The following RERE variants were observed in gnomAD, a reference collection of about 807,000 sequenced individuals.
RERE encodes arginine-glutamic acid dipeptide repeats.
In RERE, 40 loss-of-function variants were observed where a neutral mutation model predicts 146.1. The observed-to-expected ratio is 0.27, with a 90% CI of 0.21 to 0.36. RERE has a LOEUF of 0.36. RERE is among the 10% of genes least tolerant of loss of function. The probability of loss-of-function intolerance (pLI) is 1.00; values close to 1 mark genes in which losing one functional copy is unlikely to be tolerated. For missense variants in RERE, 1,933 were observed against 2,138.7 expected (o/e 0.90, Z 1.90); for synonymous variants, 1,003 against 866.0 (o/e 1.16, Z -2.78).
chr1:8,689,534 T>C (rs1209247569), intron 1 of RERE, among the ~76,000 whole-genome samples: 1 of 152,206 alleles, frequency 6.6e-6, no homozygotes, highest in African/African-American at 2.4e-5. Flanking sequence ...AGAAATTTTA[T>C]ACTTCAAATC....
intron 1 of RERE, among the ~76,000 whole-genome samples, chr1:8,779,308 A>C (rs1024979434): frequency 1.3e-4 from 20 of 149,100 alleles, no homozygotes; most frequent in African/African-American, 4.9e-4. Flanking sequence ...TGGGCAGATC[A>C]CGAGGTCAGG....
chr1:8,675,356 T>G (rs1350009849), intron 1 of RERE, among the ~76,000 whole-genome samples: 2 of 151,144 alleles, frequency 1.3e-5, no homozygotes, highest in Non-Finnish European at 2.9e-5. Flanking sequence ...TATCAGAGAG[T>G]ATCAGAATTG....
chr1:8,641,249 A>G (rs1486540052), intron 2 of RERE, among the ~76,000 whole-genome samples: 1 of 152,244 alleles, frequency 6.6e-6, no homozygotes, highest in Non-Finnish European at 1.5e-5. Context: ...TCAAATGAAA[A>G]TAGTTTCCCT....
rs754539399 is a variant in RERE at position 8,358,686 on chromosome 1, G to A, written c.3849C>T (p.Pro1283=). The change falls in exon 20 of 23, where the codon CCC becomes CCT. Residue 1283 remains proline (P), a synonymous_variant. Coordinates refer to ENST00000400908, the MANE Select transcript of RERE (RefSeq NM_001042681.2). ...GGCCAGGCATGTGGTAGGCCAGCAG[G>A]GGGTCCGTGGGGTTAAGGGGCATGT... ...PFYMPLNPTD[P]LLAYHMPGLY... is the part of the protein sequence containing the mutation. 3.2e-6 allele frequency: 5 copies of A among 1,586,968 alleles called. No individual in the cohort carries two copies. Among genetic ancestry groups the A allele is most frequent in the South Asian group, 1.2e-5 (1 of 86,862 alleles).
chr1:8,483,585 T>C (rs769928537), intron 10 of RERE, among the ~76,000 whole-genome samples: 9 of 152,238 alleles, frequency 5.9e-5, no homozygotes, highest in Non-Finnish European at 1.3e-4. Flanking sequence ...AAGTGTGATA[T>C]GAACTTGAAC....
intron 1 of RERE, among the ~76,000 whole-genome samples, chr1:8,768,129 T>C (rs1356760481): frequency 1.3e-5 from 2 of 152,242 alleles, no homozygotes. Context: ...AGCTGAATGA[T>C]GTCTTTTTCT....
chr1:8,459,718 C>T (rs1052133737), intron 11 of RERE, among the ~76,000 whole-genome samples: 3 of 152,068 alleles, frequency 2.0e-5, no homozygotes, highest in Admixed American at 6.6e-5. Context: ...CACTGTGAGA[C>T]GACGTGTTAG....
chr1:8,400,222 A>ATGTGTGTGTGTGTGTGTG (rs1553161719), intron 12 of RERE, among the ~76,000 whole-genome samples: 23 of 140,154 alleles, frequency 1.6e-4, no homozygotes, highest in South Asian at 1.2e-3. Context: ...CCTGTGTCAT[A>ATGTGTGTGTGTGTGTGTG]TGTGTGTGTG....
intron 4 of RERE, among the ~76,000 whole-genome samples, chr1:8,566,682 T>C (rs1646156953): frequency 2.0e-5 from 3 of 152,172 alleles, no homozygotes; most frequent in Admixed American, 6.5e-5. Flanking sequence ...AGAATCCTGT[T>C]GGTGGTAACA....
At chr1:8,711,931 T>C (rs1030833595) in intron 1 of RERE, among the ~76,000 whole-genome samples, 8 of 152,198 alleles carry the variant, frequency 5.3e-5, no homozygotes, top group African/African-American at 1.9e-4. Context: ...TGAAAATACT[T>C]TAAAATAAAA....
intron 1 of RERE, among the ~76,000 whole-genome samples, chr1:8,740,201 G>A (rs939741301): frequency 6.6e-6 from 1 of 152,214 alleles, no homozygotes; most frequent in Non-Finnish European, 1.5e-5. Context: ...GAACATGATA[G>A]AGTGTAGTTA....
chr1:8,776,446 C>G (rs1641065659), intron 1 of RERE, among the ~76,000 whole-genome samples: 1 of 152,108 alleles, frequency 6.6e-6, no homozygotes, highest in Non-Finnish European at 1.5e-5. Context: ...TACAGGTGCA[C>G]GCCATCATGA....
chr1:8,751,079 G>A, intron 1 of RERE: 5 of 519,152 alleles, frequency 9.6e-6, no homozygotes, highest in South Asian at 4.3e-5. Context: ...TCCATGAGGC[G>A]GAATGAAGAA....
intron 1 of RERE, among the ~76,000 whole-genome samples, chr1:8,814,159 G>A (rs1641866744): frequency 6.6e-6 from 1 of 152,100 alleles, no homozygotes; most frequent in South Asian, 2.1e-4. Context: ...CACAACTTTA[G>A]AGATTACTCT....
chr1:8,536,566 G>A (rs1457838256), intron 7 of RERE, among the ~76,000 whole-genome samples: 1 of 152,142 alleles, frequency 6.6e-6, no homozygotes, highest in Non-Finnish European at 1.5e-5. Flanking sequence ...CCTCCTAACT[G>A]GCTTTATTTA....
chr1:8,754,153 T>C (rs1557522224), intron 1 of RERE, among the ~76,000 whole-genome samples: 1 of 152,128 alleles, frequency 6.6e-6, no homozygotes, highest in African/African-American at 2.4e-5. Flanking sequence ...ATATGTTTGG[T>C]TTTAAGCCCT....
rs114289831 is a variant in RERE, at chr1:8,695,971, T to C, written c.-144-39530A>G. 7.9e-3 allele frequency among the ~76,000 whole-genome samples: 1,209 copies of C among 152,226 alleles called. 12 individuals are homozygous for C. The highest frequency in any genetic ancestry group is 0.028 in the African/African-American group (1,159 of 41,526). On this transcript the variant is annotated intron_variant, in intron 1 of 22. Transcript: ENST00000400908. ...AAGACATACAAGTGGCCAACAAATATGATAAAATGTTTAACATCATTCATC... is the reference window on the plus strand; with the variant it reads ...AAGACATACAAGTGGCCAACAAATACGATAAAATGTTTAACATCATTCATC...
At chr1:8,503,227 TGAC>T (rs1645205427) in intron 8 of RERE, among the ~76,000 whole-genome samples, 1 of 152,186 alleles carries the variant, frequency 6.6e-6, no homozygotes, top group Admixed American at 6.6e-5. Context: ...GCCAAATGTT[TGAC>T]AACACATAAA....
chr1:8,732,971 G>A (rs1283555748), intron 1 of RERE, among the ~76,000 whole-genome samples: 5 of 151,560 alleles, frequency 3.3e-5, no homozygotes, highest in East Asian at 1.9e-4. Context: ...ACAGGCGCCC[G>A]CCACTACGCC....
Sources: allele counts gnomAD v4.1 joint callset (sites outside exome capture counted in the v4.1 genomes callset), GRCh38; gene constraint gnomAD v4.1.1; transcripts MANE v1.5; gene names NCBI Gene and HGNC (gene_info 2026-07-23, HGNC 2026-07-21).